The following TNRC6C variants were observed in gnomAD, a reference collection of about 807,000 sequenced individuals.
The protein encoded by TNRC6C is trinucleotide repeat containing adaptor 6C.
TNRC6C carries 20 observed loss-of-function variants against 153.7 expected under a neutral mutation model. The ratio of observed to expected loss-of-function variants is 0.13; its 90% CI spans 0.09 to 0.19. The LOEUF is 0.19. TNRC6C is among the 10% of genes least tolerant of loss of function. The pLI is 1.00. For synonymous variants in TNRC6C, 811 were observed against 841.4 expected, an observed-to-expected ratio of 0.96 and a Z score of 0.63; for missense variants, 1,987 against 2,172.0, an observed-to-expected ratio of 0.91 and a Z score of 1.69.
At chr17:78,031,610 C>T in exon 2 of TNRC6C, 1 of 1,232,440 alleles carries the variant, frequency 8.1e-7, no homozygotes, top group Non-Finnish European at 1.0e-6. Context: ...GCAACAATGG[C>T]AAACGTGCAT....
Position 78,104,415 on chromosome 17 carries a change from G to GA in TNRC6C, c.4713-67dup. The GA allele has an allele frequency of 2.1e-6, 3 of 1,419,364 alleles. No individual in the cohort carries two copies. The South Asian group carries it at 4.6e-5, about 22-fold the overall frequency. The allele number at this position is 1,419,364 out of a possible 1,614,324, so 87.9% of individuals were successfully genotyped here. On this transcript the variant is annotated intron_variant, in intron 19 of 19. Coordinates refer to ENST00000301624, the Ensembl canonical transcript of TNRC6C. This position sits in a 1 kb window ranked among gnomAD's most constrained non-coding sequence, Gnocchi z 6.2. Reference sequence around the variant, plus strand: ...CATGTGGGGCCGTTCCCAATACAGAGAAAGCCAGTGCCACGAACTCAGCAG... The same window carrying GA: ...CATGTGGGGCCGTTCCCAATACAGAGAAAAGCCAGTGCCACGAACTCAGCAG...
chr17:78,075,162 G>C lies in TNRC6C; in HGVS notation c.2944G>C (p.Val982Leu). The change falls in exon 8 of 20, where the codon GTG becomes CTG. Residue 982 changes from valine (V) to leucine (L), a missense_variant. Coordinates refer to ENST00000301624, the Ensembl canonical transcript of TNRC6C. This position sits in a 1 kb window ranked among gnomAD's most constrained non-coding sequence, Gnocchi z 4.2. ...CGCTCTGCTGGAAAAGAAGGTGGACGTGGACAAGCGTGGGCTGGGAGTGAC... is the reference window on the plus strand; with the variant it reads ...CGCTCTGCTGGAAAAGAAGGTGGACCTGGACAAGCGTGGGCTGGGAGTGAC... 1 of 1,613,252 alleles carries C rather than the reference G, an allele frequency of 6.2e-7. No homozygotes were observed. The highest frequency in any genetic ancestry group is 8.5e-7 in the Non-Finnish European group (1 of 1,179,590).
Position 77,985,437 on chromosome 17 carries a change from C to CA in TNRC6C, c.-37-18718dup, listed in dbSNP as rs764100636. On this transcript the variant is annotated intron_variant, in intron 1 of 22. Transcript: ENST00000636222. ...TGAAACCCCGTCTCTACTAAAAATA[C>CA]AAAAAAAAAAAAAAATTAGCCAGGT... is the stretch of plus-strand genomic sequence containing the variant. 6.6e-3 allele frequency among the ~76,000 whole-genome samples: 840 copies of CA among 128,062 alleles called. 4 individuals carry two copies. The highest frequency in any genetic ancestry group is 0.02 in the East Asian group (93 of 4,540). The allele number at this position is 128,062 out of a possible 152,430, so 84.0% of individuals were successfully genotyped here. A position where few individuals can be genotyped will look rare whatever the true frequency, so the allele number is the denominator to read the frequency against.
intron 1 of TNRC6C, among the ~76,000 whole-genome samples, chr17:78,022,744 A>G (rs990690432): frequency 1.3e-5 from 2 of 152,204 alleles, no homozygotes; most frequent in African/African-American, 2.4e-5. Context: ...TAAAAGGCAA[A>G]ATGACAAGTA....
chr17:78,107,757 G>A (rs918550200), exon 20 of TNRC6C: 2 of 152,228 alleles, frequency 1.3e-5, no homozygotes, highest in Non-Finnish European at 2.9e-5. Context: ...TCTGTTGTCT[G>A]GGACGGCAGC....
At chr17:78,008,220 AATAT>A (rs1220587128) in intron 1 of TNRC6C, among the ~76,000 whole-genome samples, 1 of 152,210 alleles carries the variant, frequency 6.6e-6, no homozygotes, top group Non-Finnish European at 1.5e-5. Flanking sequence ...AACTTAATAT[AATAT>A]GTAGCATGCT....
intron 1 of TNRC6C, among the ~76,000 whole-genome samples, chr17:77,960,748 T>A (rs991417417): frequency 2.0e-5 from 3 of 152,188 alleles, no homozygotes; most frequent in Non-Finnish European, 4.4e-5. Flanking sequence ...TTTGAGCATG[T>A]TTCACTGTAG....
upstream of TNRC6C, among the ~76,000 whole-genome samples, chr17:78,002,607 T>C (rs1349527210): frequency 6.6e-6 from 1 of 152,196 alleles, no homozygotes; most frequent in African/African-American, 2.4e-5. Flanking sequence ...AAAGCTATTG[T>C]TCAGGCTGGG....
intron 1 of TNRC6C, among the ~76,000 whole-genome samples, chr17:78,018,164 G>A (rs1196196815): frequency 6.6e-6 from 1 of 152,096 alleles, no homozygotes; most frequent in Non-Finnish European, 1.5e-5. Flanking sequence ...GTCTTGCTCT[G>A]TCGCCAGGCT....
chr17:78,101,398 C>G (rs1027414502), intron 17 of TNRC6C, among the ~76,000 whole-genome samples: 2 of 152,140 alleles, frequency 1.3e-5, no homozygotes, highest in Admixed American at 1.3e-4. Context: ...TAGGAAGTTC[C>G]AAACTTTCCC....
At chr17:78,016,169 C>T (rs561905796) in intron 1 of TNRC6C, among the ~76,000 whole-genome samples, 1 of 152,318 alleles carries the variant, frequency 6.6e-6, no homozygotes, top group South Asian at 2.1e-4. Flanking sequence ...GCTCTCTTGA[C>T]TTCTAGAGCA....
chr17:77,980,512 G>A (rs953018344), intron 1 of TNRC6C, among the ~76,000 whole-genome samples: 10 of 152,200 alleles, frequency 6.6e-5, no homozygotes, highest in African/African-American at 1.9e-4. Flanking sequence ...GTGAGCAAAT[G>A]TGTGAGGGTT....
exon 20 of TNRC6C, chr17:78,108,805 ATTT>A (rs959873679): frequency 2.0e-5 from 3 of 151,748 alleles, no homozygotes; most frequent in African/African-American, 7.3e-5. Flanking sequence ...AGTTTATTAA[ATTT>A]TTTTTTAAAT....
chr17:78,031,449 G>A (rs1365224259), intron 1 of TNRC6C, 67 bp from the exon 4 acceptor site: 9 of 1,156,502 alleles, frequency 7.8e-6, no homozygotes, highest in Non-Finnish European at 9.8e-6. Flanking sequence ...TGGTTTCCTT[G>A]GTTTGGGTTG....
rs572559465 is a variant in TNRC6C, at chr17:78,079,399, C to T, written c.3215C>T (p.Pro1072Leu). 11 of 1,613,846 alleles carry T rather than the reference C, an allele frequency of 6.8e-6. No individual in the cohort carries two copies. In the East Asian group the frequency reaches 8.9e-5, roughly 13 times the overall value. The change falls in exon 10 of 20, where the codon CCG becomes CTG. Residue 1072 changes from proline to leucine, a missense_variant. Physicochemically the swap from Pro to Leu is moderately conservative, Grantham distance 98. Around this residue, in one of 4 missense-constraint regions of TNRC6C, gnomAD observed 765 missense variants for 908.6 expected, o/e 0.84. Transcript: ENST00000301624. This position sits in a 1 kb window ranked among gnomAD's most constrained non-coding sequence, Gnocchi z 4.3. Reference sequence around the variant, plus strand: ...TTTAATTCTGTCCCTGTGCAGATACCGAGTGGCAATCTGGGTATGTTTGGC... The same window carrying T: ...TTTAATTCTGTCCCTGTGCAGATACTGAGTGGCAATCTGGGTATGTTTGGC...
intron 2 of TNRC6C, among the ~76,000 whole-genome samples, chr17:78,036,119 G>A (rs1217351372): frequency 2.6e-5 from 4 of 152,176 alleles, no homozygotes; most frequent in Non-Finnish European, 4.4e-5. Flanking sequence ...TAGGAATTTA[G>A]CAGTACACCA....
At chr17:78,078,215 A>G (rs1052775231) in intron 9 of TNRC6C, among the ~76,000 whole-genome samples, 5 of 152,192 alleles carry the variant, frequency 3.3e-5, no homozygotes, top group African/African-American at 1.2e-4. Context: ...TGCCAGCTTC[A>G]AGTCAGCAGC....
intron 1 of TNRC6C, among the ~76,000 whole-genome samples, chr17:77,959,811 A>G (rs1183217103): frequency 6.6e-6 from 1 of 152,116 alleles, no homozygotes; most frequent in Admixed American, 6.5e-5. Context: ...GCCGTACAAC[A>G]TCTGTCCTGT....
At chr17:78,070,883 C>G (rs868178232) in intron 5 of TNRC6C, among the ~76,000 whole-genome samples, 1 of 152,260 alleles carries the variant, frequency 6.6e-6, no homozygotes, top group South Asian at 2.1e-4. Flanking sequence ...ATATACCAAC[C>G]TGCAAATGTA....
Sources: allele counts gnomAD v4.1 joint callset (sites outside exome capture counted in the v4.1 genomes callset), GRCh38; gene constraint gnomAD v4.1.1; regional missense constraint gnomAD v4.1.1; non-coding constraint Gnocchi (gnomAD v3.1); transcripts MANE v1.5; gene names NCBI Gene and HGNC (gene_info 2026-07-23, HGNC 2026-07-21).